Variants in MVB12B observed in about 807,000 individuals in gnomAD.
MVB12B encodes multivesicular body subunit 12B, also known as ESCRT-I complex subunit MVB12B.
In MVB12B, 16 loss-of-function variants were observed where a neutral mutation model predicts 41.6. The ratio of observed to expected loss-of-function variants is 0.38; its 90% confidence interval spans 0.26 to 0.58. MVB12B has a LOEUF of 0.58. Ranked by LOEUF, MVB12B falls within the 20% of genes least tolerant of loss-of-function variation. The pLI is 0.62. For synonymous variants in MVB12B, 133 were observed against 139.7 expected (o/e 0.95, Z 0.34); for missense variants, 274 against 380.2 (o/e 0.72, Z 2.32).
chr9:126,330,117 CA>C (rs755499108), intron 1 of MVB12B, among the ~76,000 whole-genome samples: 33 of 152,212 alleles, frequency 2.2e-4, no homozygotes, highest in Non-Finnish European at 3.1e-4. Flanking sequence ...TGTGGGCATG[CA>C]TTTGGTTTAC....
chr9:126,384,404 T>A (rs1830714054), intron 3 of MVB12B, among the ~76,000 whole-genome samples: 2 of 152,222 alleles, frequency 1.3e-5, no homozygotes, highest in African/African-American at 2.4e-5. Flanking sequence ...AGTTAAATTC[T>A]AATAATTGGT....
intron 2 of MVB12B, among the ~76,000 whole-genome samples, chr9:126,368,089 C>A (rs1354552210): frequency 6.6e-6 from 1 of 152,204 alleles, no homozygotes; most frequent in South Asian, 2.1e-4. Flanking sequence ...TCCGATGCAA[C>A]GCCGATACTT....
At chr9:126,413,034 A>G (rs754788662) in intron 6 of MVB12B, among the ~76,000 whole-genome samples, 16 of 152,148 alleles carry the variant, frequency 1.1e-4, no homozygotes, top group Non-Finnish European at 1.9e-4. Flanking sequence ...TGCCATGACA[A>G]ATGCTGCCCC....
In MVB12B at chr9:126,462,359, G is replaced by A. The variant is rs188709958; in HGVS notation, c.758-19010G>A. 5.1e-4 allele frequency among the ~76,000 whole-genome samples: 78 copies of A among 152,282 alleles called. 1 individual carries two copies. The East Asian group carries it at 0.013, about 25-fold the overall frequency. On this transcript the variant is annotated intron_variant, in intron 7 of 9. Coordinates refer to ENST00000361171, the MANE Select transcript of MVB12B (RefSeq NM_033446.3). The stretch of plus-strand genomic sequence containing the variant: ...GAGATAGCCGAAGTGTCACATTTCC[G>A]TGCCCGCATGAGGTTCAGTGTTAAA...
At chr9:126,501,128 C>A (rs1024689872) in intron 9 of MVB12B, among the ~76,000 whole-genome samples, 1 of 152,374 alleles carries the variant, frequency 6.6e-6, no homozygotes. Flanking sequence ...GCCGGAGTCT[C>A]CTGACCGCGG....
chr9:126,344,977 C>G (rs937074578), intron 2 of MVB12B, among the ~76,000 whole-genome samples: 2 of 152,196 alleles, frequency 1.3e-5, no homozygotes, highest in Non-Finnish European at 2.9e-5. Flanking sequence ...CACTGTTGCA[C>G]TGGGGATAAG....
Position 126,333,529 on chromosome 9 carries a change from C to G in MVB12B, c.81+6519C>G, listed in dbSNP as rs978238209. 6.6e-6 allele frequency among the ~76,000 whole-genome samples: 1 copy of G among 152,084 alleles called. No individual in the cohort carries two copies. The highest frequency in any genetic ancestry group is 1.5e-5 in the Non-Finnish European group (1 of 68,026). ...AAGCGATTCTTGTGCCTCACCCTCT[C>G]GAGTAGCTGGGATTACAGGCACCAC... On this transcript the variant is annotated intron_variant, in intron 1 of 9. Transcript: ENST00000361171. The surrounding 1 kb of genome is among the most constrained non-coding windows in gnomAD (Gnocchi z 4.7).
rs890184097 is a variant in MVB12B at position 126,391,042 on chromosome 9, C to T, written c.410-1024C>T. ...ATAAAACATGGATCTTAGCAACAGT[C>T]ATCAGAGGGTGAGAAAGTGCTCAGA... On this transcript the variant is annotated intron_variant, in intron 4 of 9. Transcript: ENST00000361171. The surrounding 1 kb of genome is among the most constrained non-coding windows in gnomAD (Gnocchi z 4.4). Among the ~76,000 whole-genome samples, 1 of 151,916 alleles carries T rather than the reference C, an allele frequency of 6.6e-6. No homozygotes were observed. Among genetic ancestry groups the T allele is most frequent in the African/African-American group, 2.4e-5 (1 of 41,336 alleles).
intron 4 of MVB12B, among the ~76,000 whole-genome samples, chr9:126,388,290 C>T (rs1322226832): frequency 2.6e-5 from 4 of 152,166 alleles, no homozygotes; most frequent in Admixed American, 2.6e-4. Context: ...AATCATACAG[C>T]GTGTGGTCTT....
chr9:126,421,823 A>G, intron 6 of MVB12B, 31 bp from the exon 7 acceptor site: 1 of 1,546,192 alleles, frequency 6.5e-7, no homozygotes. Context: ...GCTCCTTGTA[A>G]TCTCCTTTCT....
intron 7 of MVB12B, among the ~76,000 whole-genome samples, chr9:126,426,139 G>A (rs1475698763): frequency 6.6e-6 from 1 of 152,212 alleles, no homozygotes; most frequent in Non-Finnish European, 1.5e-5. Context: ...AGTTAGGTGT[G>A]TGCAGGCAAT....
chr9:126,395,887 C>T lies in MVB12B; in HGVS notation c.662+190C>T. Reference sequence around the variant, plus strand: ...TCTTTGCATTACATGAATGCAAAGGCCATTCTATAGTCTATTTTGTGCGTG... The same window carrying T: ...TCTTTGCATTACATGAATGCAAAGGTCATTCTATAGTCTATTTTGTGCGTG... On this transcript the variant is annotated intron_variant, in intron 6 of 9. Coordinates refer to ENST00000361171, the MANE Select transcript of MVB12B (RefSeq NM_033446.3). This position sits in a 1 kb window ranked among gnomAD's most constrained non-coding sequence, Gnocchi z 4.9. The T allele has an allele frequency of 7.1e-7, 1 of 1,411,418 alleles. No homozygotes were observed. The highest frequency in any genetic ancestry group is 1.6e-5 in the South Asian group (1 of 63,582). 87.4% of individuals were successfully genotyped at this position (1,411,418 alleles called of 1,614,324 possible).
At position 126,436,901 on chromosome 9, in the gene MVB12B, G is replaced by T. The variant is rs376993860; in HGVS notation, c.757+14953G>T. 8.3e-4 allele frequency among the ~76,000 whole-genome samples: 126 copies of T among 152,280 alleles called. No individual in the cohort carries two copies. The highest frequency in any genetic ancestry group is 6.0e-3 in the South Asian group (29 of 4,824). On this transcript the variant is annotated intron_variant, in intron 7 of 9. Coordinates refer to ENST00000361171, the MANE Select transcript of MVB12B (RefSeq NM_033446.3). The surrounding 1 kb of genome is among the most constrained non-coding windows in gnomAD (Gnocchi z 4.1). ...GAATCAGTTAATTTACTCATTAAAAGAATTTATTTTAGGTGGACCAATTAA... is the reference window on the plus strand; with the variant it reads ...GAATCAGTTAATTTACTCATTAAAATAATTTATTTTAGGTGGACCAATTAA...
At chr9:126,383,087 G>A (rs1010400737) in intron 3 of MVB12B, among the ~76,000 whole-genome samples, 6 of 152,112 alleles carry the variant, frequency 3.9e-5, no homozygotes, top group Admixed American at 1.3e-4. Flanking sequence ...AGTACCAGCA[G>A]TTGGCAGGGG....
At chr9:126,347,523 C>T (rs1829631327) in intron 2 of MVB12B, among the ~76,000 whole-genome samples, 2 of 152,134 alleles carry the variant, frequency 1.3e-5, no homozygotes, top group Non-Finnish European at 2.9e-5. Flanking sequence ...TGCAAATATG[C>T]GGGACTATGG....
intron 7 of MVB12B, among the ~76,000 whole-genome samples, chr9:126,452,128 A>C (rs1309269587): frequency 1.3e-5 from 2 of 152,236 alleles, no homozygotes; most frequent in Non-Finnish European, 2.9e-5. Context: ...AGGAGATGAA[A>C]AAAGGAAGAA....
chr9:126,332,768 A>G (rs1588078840), intron 1 of MVB12B, among the ~76,000 whole-genome samples: 1 of 152,122 alleles, frequency 6.6e-6, no homozygotes, highest in African/African-American at 2.4e-5. Flanking sequence ...AAACTTGGCA[A>G]TTTTGAGAGG....
chr9:126,368,443 A>G, intron 2 of MVB12B, among the ~76,000 whole-genome samples: 1 of 152,220 alleles, frequency 6.6e-6, no homozygotes, highest in East Asian at 1.9e-4. Context: ...TCTGCTCAGC[A>G]GATGCACCCT....
chr9:126,454,513 G>T (rs1832941933), intron 7 of MVB12B, among the ~76,000 whole-genome samples: 1 of 152,236 alleles, frequency 6.6e-6, no homozygotes, highest in African/African-American at 2.4e-5. Flanking sequence ...CACCCAGGTG[G>T]CCTGGGGCTG....
Sources: allele counts gnomAD v4.1 joint callset (sites outside exome capture counted in the v4.1 genomes callset), GRCh38; gene constraint gnomAD v4.1.1; non-coding constraint Gnocchi (gnomAD v3.1); transcripts MANE v1.5; gene names NCBI Gene and HGNC (gene_info 2026-07-23, HGNC 2026-07-21).